C18orf63: variants seen among roughly 807,000 people sequenced by gnomAD.
C18orf63 encodes the protein chromosome 18 open reading frame 63, also known as uncharacterized protein C18orf63.
In C18orf63, 50 loss-of-function variants were observed where a neutral mutation model predicts 75.3. That is an observed-to-expected ratio of 0.66 (90% CI 0.53 to 0.84). C18orf63 has a LOEUF of 0.84. Among genes scored for constraint, C18orf63 ranks in the 40% least tolerant of loss-of-function variants. C18orf63 has a pLI of 0.00. For synonymous variants in C18orf63, 232 were observed against 267.6 expected, an observed-to-expected ratio of 0.87 and a Z score of 1.30; for missense variants, 732 against 800.2, an observed-to-expected ratio of 0.91 and a Z score of 1.03.
At position 74,353,230 on chromosome 18, in the gene C18orf63, T is replaced by C; in HGVS notation, c.979-16T>C. ...ATTAACATTTTAAATTTTTTTTTAA[T>C]CTCTATCCTTTTCAGGAACACAAAG... is the stretch of plus-strand genomic sequence containing the variant. On this transcript the variant is annotated splice_polypyrimidine_tract_variant and intron_variant, in intron 11 of 13. Transcript: ENST00000579455. 1.3e-6 allele frequency: 2 copies of C among 1,504,654 alleles called. No homozygotes were observed. Among genetic ancestry groups the C allele is most frequent in the Admixed American group, 4.1e-5 (2 of 48,228 alleles). 93.2% of individuals were successfully genotyped at this position (1,504,654 alleles called of 1,614,324 possible).
rs1380836322 is a variant in C18orf63 at position 74,353,532 on chromosome 18, A to C, written c.1265A>C (p.His422Pro). The C allele has an allele frequency of 2.0e-6, 3 of 1,536,668 alleles. No homozygotes were observed. Among genetic ancestry groups the C allele is most frequent in the South Asian group, 2.4e-5 (2 of 84,064 alleles). ...MPNRGNTQVQHTNLSSQSNIT... is the reference protein window; with the variant it reads ...MPNRGNTQVQPTNLSSQSNIT... ...AACAGAGGAAATACTCAAGTTCAGC[A>C]CACAAATCTTAGCTCCCAAAGCAAC... Residue 422 changes from histidine to proline, a missense_variant, in exon 12 of 14, where the codon CAC becomes CCC. Physicochemically the swap from His to Pro is moderately conservative, Grantham distance 77. This residue lies in a region of C18orf63 where 495 missense variants were observed against 508.7 expected (regional missense o/e 0.97). Coordinates refer to ENST00000579455, the MANE Select transcript of C18orf63 (RefSeq NM_001174123.2).
rs74919061 is a variant in C18orf63, at chr18:74,353,576, C to G, written c.1309C>G (p.Pro437Ala). 2,633 of 1,536,354 alleles carry G rather than the reference C, an allele frequency of 1.7e-3. 37 individuals carry two copies. The East Asian group carries it at 0.038, about 22-fold the overall frequency. ...SQSNITPKFV[P>A]VFKNRLLQMN... ...AAGCAACATCACCCCTAAGTTTGTACCAGTTTTCAAAAATAGATTGTTACA... is the reference window on the plus strand; with the variant it reads ...AAGCAACATCACCCCTAAGTTTGTAGCAGTTTTCAAAAATAGATTGTTACA... The change falls in exon 12 of 14, where the codon CCA becomes GCA. Residue 437 changes from proline to alanine, a missense_variant. By Grantham distance (27) the Pro-to-Ala change is conservative. Around this residue, in one of 3 missense-constraint regions of C18orf63, gnomAD observed 495 missense variants for 508.7 expected, o/e 0.97. Transcript: ENST00000579455.
intron 2 of C18orf63, among the ~76,000 whole-genome samples, chr18:74,320,196 G>A (rs759423376): frequency 1.3e-5 from 2 of 152,134 alleles, no homozygotes; most frequent in Non-Finnish European, 2.9e-5. Context: ...TCACAGTTCC[G>A]CAAGCTTAAC....
chr18:74,344,981 T>C (rs1984549068), intron 11 of C18orf63, among the ~76,000 whole-genome samples: 1 of 152,114 alleles, frequency 6.6e-6, no homozygotes, highest in African/African-American at 2.4e-5. Context: ...ACTATTTCCC[T>C]AACCAATCTG....
intron 1 of C18orf63, among the ~76,000 whole-genome samples, chr18:74,316,610 C>G (rs991903709): frequency 1.4e-4 from 22 of 151,924 alleles, no homozygotes; most frequent in African/African-American, 4.8e-4. Context: ...GTTGCCTGCT[C>G]CTAGCACTTG....
chr18:74,353,853 G>T lies in C18orf63; in HGVS notation c.1586G>T (p.Arg529Leu), dbSNP rs191895314. The T allele has an allele frequency of 5.9e-6, 9 of 1,535,870 alleles. No individual in the cohort carries two copies. In the South Asian group the frequency reaches 9.5e-5, roughly 16 times the overall value. The change falls in exon 12 of 14, where the codon CGT (arginine) becomes CTT (leucine). Residue 529 changes from arginine to leucine, a missense_variant. Arg to Leu is a moderately radical substitution (Grantham distance 102). Transcript: ENST00000579455. ...AATATGACAAAATTTCCCTCTTCTCGTGGAAAATCGACTGTGAGTTTAAAC... is the reference window on the plus strand; with the variant it reads ...AATATGACAAAATTTCCCTCTTCTCTTGGAAAATCGACTGTGAGTTTAAAC... The part of the protein sequence containing the change: ...SENMTKFPSS[R>L]GKSTVSLNKN...
chr18:74,341,984 A>G (rs964105710), intron 8 of C18orf63, 48 bp from the exon 9 acceptor site: 2 of 894,354 alleles, frequency 2.2e-6, no homozygotes, highest in Non-Finnish European at 3.4e-6. Flanking sequence ...GACTTATTAA[A>G]CTATATTTAA....
At chr18:74,330,825 A>G in intron 6 of C18orf63, 41 bp from the exon 7 acceptor site, 1 of 736,502 alleles carries the variant, frequency 1.4e-6, no homozygotes, top group Non-Finnish European at 2.2e-6. Context: ...ATAGTAGAGT[A>G]ATAATTCCAG....
At chr18:74,346,449 T>C (rs114542252) in intron 11 of C18orf63, among the ~76,000 whole-genome samples, 1,853 of 152,288 alleles carry the variant, frequency 0.012, 19 homozygotes, top group South Asian at 0.048. Flanking sequence ...AGAGAAAAAT[T>C]GTACAAAAAC....
intron 13 of C18orf63, among the ~76,000 whole-genome samples, chr18:74,356,270 C>A (rs1041756638): frequency 1.3e-5 from 2 of 151,932 alleles, no homozygotes; most frequent in African/African-American, 4.8e-5. Flanking sequence ...ATTCACCCCC[C>A]CTCCCTTCTT....
intron 11 of C18orf63, among the ~76,000 whole-genome samples, chr18:74,348,004 G>A (rs1351118174): frequency 6.6e-6 from 1 of 151,954 alleles, no homozygotes; most frequent in Non-Finnish European, 1.5e-5. Context: ...TAACCCCTAT[G>A]TTATTATTAT....
rs193134716 is a variant in C18orf63 at position 74,341,995 on chromosome 18, G to A, written c.612-37G>A. The A allele has an allele frequency of 7.0e-4, 691 of 990,042 alleles. 8 individuals carry two copies. In the African/African-American group the frequency reaches 9.1e-3, roughly 13 times the overall value. 61.3% of individuals were successfully genotyped at this position (990,042 alleles called of 1,614,324 possible). ...AGTTGACTTATTAAACTATATTTAA[G>A]CATTGGCTCATAATAGCTTCCTCTC... On this transcript the variant is annotated intron_variant, in intron 8 of 13. Coordinates refer to ENST00000579455, the MANE Select transcript of C18orf63 (RefSeq NM_001174123.2).
Position 74,330,848 on chromosome 18 carries a change from TA to T in C18orf63, c.425-15del. Reference sequence around the variant, plus strand: ...GTAATAATTCCAGGTAGTTCACAGTTAAATATTTTATTTTCAGTATTAAACA... The same window carrying T: ...GTAATAATTCCAGGTAGTTCACAGTTAATATTTTATTTTCAGTATTAAACA... On this transcript the variant is annotated splice_polypyrimidine_tract_variant and intron_variant, in intron 6 of 13. Coordinates refer to ENST00000579455, the MANE Select transcript of C18orf63 (RefSeq NM_001174123.2). The T allele has an allele frequency of 2.0e-6, 2 of 998,808 alleles. No individual in the cohort carries two copies. Among genetic ancestry groups the T allele is most frequent in the South Asian group, 1.6e-5 (1 of 64,224 alleles). The allele number at this position is 998,808 out of a possible 1,614,324, so 61.9% of individuals were successfully genotyped here.
chr18:74,358,000 A>G lies in C18orf63; in HGVS notation c.*1553A>G, dbSNP rs1984798308. On this transcript the variant is annotated 3_prime_UTR_variant, in exon 14 of 14. Coordinates refer to ENST00000579455, the MANE Select transcript of C18orf63 (RefSeq NM_001174123.2). Reference sequence around the variant, plus strand: ...GCACAGTCATCCACAGCATGTAATCATTCCTAAAACCAGCCTTCCCCACTG... The same window carrying G: ...GCACAGTCATCCACAGCATGTAATCGTTCCTAAAACCAGCCTTCCCCACTG... 1 of 152,164 alleles carries G rather than the reference A, an allele frequency of 6.6e-6. No homozygotes were observed. The highest frequency in any genetic ancestry group is 1.5e-5 in the Non-Finnish European group (1 of 68,040). 9.4% of individuals were successfully genotyped at this position (152,164 alleles called of 1,614,324 possible).
At chr18:74,320,411 G>A in intron 2 of C18orf63, 102 bp from the exon 3 acceptor site, 1 of 720,736 alleles carries the variant, frequency 1.4e-6, no homozygotes, top group Middle Eastern at 3.4e-4. Context: ...TTCCCACCAG[G>A]TCCCTTGCCA....
In C18orf63 at chr18:74,328,023, C is replaced by G; in HGVS notation, c.347C>G (p.Pro116Arg). Reference protein sequence around the residue: ...LSYSFMARLAPAWNRTGHLLI... With the variant: ...LSYSFMARLARAWNRTGHLLI... ...TATTCATTCATGGCTAGACTTGCTC[C>G]AGCCTGGAATAGAACTGGTCATCTC... The change falls in exon 5 of 14, where the codon CCA (proline) becomes CGA (arginine). Residue 116 changes from proline to arginine, a missense_variant. Pro to Arg is a moderately radical substitution (Grantham distance 103). Around this residue, in one of 3 missense-constraint regions of C18orf63, gnomAD observed 233 missense variants for 272.7 expected, o/e 0.85. Coordinates refer to ENST00000579455, the MANE Select transcript of C18orf63 (RefSeq NM_001174123.2). The G allele has an allele frequency of 6.5e-7, 1 of 1,534,200 alleles. No individual in the cohort carries two copies. The highest frequency in any genetic ancestry group is 8.7e-7 in the Non-Finnish European group (1 of 1,145,214).
intron 11 of C18orf63, among the ~76,000 whole-genome samples, chr18:74,347,873 T>A (rs1262321661): frequency 1.3e-5 from 2 of 152,190 alleles, no homozygotes; most frequent in African/African-American, 4.8e-5. Flanking sequence ...TCATCTAGTT[T>A]CCCCTTGACA....
intron 7 of C18orf63, among the ~76,000 whole-genome samples, chr18:74,336,439 AT>A (rs1301955744): frequency 6.6e-6 from 1 of 152,010 alleles, no homozygotes; most frequent in East Asian, 1.9e-4. Flanking sequence ...CACTTATAAT[AT>A]TTTTCACACT....
intron 10 of C18orf63, 116 bp downstream of exon 10, chr18:74,342,442 T>A: frequency 1.6e-6 from 1 of 642,524 alleles, no homozygotes; most frequent in East Asian, 2.7e-5. Flanking sequence ...ACTGAAACTA[T>A]GGTACATTTC....
Sources: allele counts gnomAD v4.1 joint callset (sites outside exome capture counted in the v4.1 genomes callset), GRCh38; gene constraint gnomAD v4.1.1; regional missense constraint gnomAD v4.1.1; transcripts MANE v1.5; gene names NCBI Gene and HGNC (gene_info 2026-07-23, HGNC 2026-07-21).